The following PIK3C2G variants were observed in gnomAD, a reference collection of about 807,000 sequenced individuals.
The protein encoded by PIK3C2G is phosphatidylinositol-4-phosphate 3-kinase catalytic subunit type 2 gamma.
A neutral mutation model predicts 181.1 loss-of-function variants in PIK3C2G; 168 were observed. That is an observed-to-expected ratio of 0.93 (90% CI 0.82 to 1.05). PIK3C2G has a LOEUF of 1.05. PIK3C2G is among the 50% of genes least tolerant of loss of function. The pLI, the probability that PIK3C2G is intolerant of heterozygous loss-of-function variation, is 0.00. For synonymous variants in PIK3C2G, 573 were observed against 592.2 expected (o/e 0.97, Z 0.47); for missense variants, 1,869 against 1,732.8 (o/e 1.08, Z -1.40).
chr12:18,489,046 T>A (rs1940319761), intron 19 of PIK3C2G, among the ~76,000 whole-genome samples: 1 of 152,066 alleles, frequency 6.6e-6, no homozygotes, highest in Non-Finnish European at 1.5e-5. Context: ...ATGAAATAAA[T>A]CAATGGCCTT....
chr12:18,346,038 C>A (rs559601612), intron 10 of PIK3C2G, among the ~76,000 whole-genome samples: 1 of 152,264 alleles, frequency 6.6e-6, no homozygotes, highest in East Asian at 1.9e-4. Context: ...AACCAGTAGA[C>A]TCCTTTTAAA....
the PIK3C2G span, chr12:18,723,447 GA>G: frequency 6.2e-7 from 1 of 1,612,922 alleles, no homozygotes; most frequent in Non-Finnish European, 8.5e-7. Flanking sequence ...AATATGTGTT[GA>G]AAATCTCAAT....
chr12:18,601,620 T>C (rs1565550957), intron 30 of PIK3C2G, among the ~76,000 whole-genome samples: 3 of 152,172 alleles, frequency 2.0e-5, no homozygotes, highest in Non-Finnish European at 4.4e-5. Context: ...GTAAATTACT[T>C]TGGGCAGTAT....
intron 18 of PIK3C2G, among the ~76,000 whole-genome samples, chr12:18,426,539 T>C (rs778319388): frequency 9.9e-5 from 15 of 152,196 alleles, no homozygotes; most frequent in East Asian, 1.9e-4. Flanking sequence ...TTTAATTTCA[T>C]AGGACAAAGT....
At chr12:18,523,921 G>A (rs936925530) in intron 24 of PIK3C2G, among the ~76,000 whole-genome samples, 3 of 152,214 alleles carry the variant, frequency 2.0e-5, no homozygotes, top group Non-Finnish European at 4.4e-5. Flanking sequence ...GTGTGGGGAA[G>A]CTGTCTAAGG....
intron 18 of PIK3C2G, among the ~76,000 whole-genome samples, chr12:18,480,872 C>T (rs1435855502): frequency 1.3e-5 from 2 of 152,186 alleles, no homozygotes; most frequent in African/African-American, 2.4e-5. Context: ...CTCTACATTG[C>T]TGCTTCAATA....
At chr12:18,588,422 A>T (rs1278678670) in intron 29 of PIK3C2G, among the ~76,000 whole-genome samples, 2 of 152,160 alleles carry the variant, frequency 1.3e-5, no homozygotes, top group African/African-American at 4.8e-5. Flanking sequence ...CCCCATTAAA[A>T]TGTGGACAAA....
chr12:18,391,235 G>A lies in PIK3C2G; in HGVS notation c.2109G>A (p.Gln703=). 1 of 1,591,360 alleles carries A rather than the reference G, an allele frequency of 6.3e-7. No homozygotes were observed. Among genetic ancestry groups the A allele is most frequent in the Non-Finnish European group, 8.6e-7 (1 of 1,169,428 alleles). Residue 703 remains glutamine, a synonymous_variant, in exon 15 of 33, where the codon CAG becomes CAA. Coordinates refer to ENST00000538779, the MANE Select transcript of PIK3C2G (RefSeq NM_001288772.2). The stretch of plus-strand genomic sequence containing the variant: ...TAAAACATATTGCCAGACTTTCACA[G>A]AAACAGACTCCCCTACTGTAAGTGA... ...ECIKHIARLS[Q]KQTPLLLSEE...
At position 18,282,248 on chromosome 12, in the gene PIK3C2G, G is replaced by A; in HGVS notation, c.167G>A (p.Ser56Asn). ...EISGKIPHYE[S>N]EIDENTFFVP... ...AGTGGCAAAATTCCACACTACGAGAGTGAAATTGATGAAAACACCTTTTTT... is the reference window on the plus strand; with the variant it reads ...AGTGGCAAAATTCCACACTACGAGAATGAAATTGATGAAAACACCTTTTTT... Residue 56 changes from serine to asparagine, a missense_variant, in exon 2 of 33, where the codon AGT becomes AAT. Transcript: ENST00000538779. The A allele has an allele frequency of 6.2e-7, 1 of 1,613,712 alleles. No homozygotes were observed. The highest frequency in any genetic ancestry group is 8.5e-7 in the Non-Finnish European group (1 of 1,179,760).
chr12:18,459,499 G>A (rs1947805857), intron 18 of PIK3C2G, among the ~76,000 whole-genome samples: 1 of 152,094 alleles, frequency 6.6e-6, no homozygotes, highest in African/African-American at 2.4e-5. Context: ...TCTTTCTACT[G>A]CTTATACATC....
chr12:18,699,650 A>G, the PIK3C2G span: 1 of 853,342 alleles, frequency 1.2e-6, no homozygotes, highest in Non-Finnish European at 1.9e-6. Flanking sequence ...GACCTGAGGT[A>G]TGTAACCCCA....
At chr12:18,525,478 G>C (rs1218913075) in intron 24 of PIK3C2G, among the ~76,000 whole-genome samples, 1 of 152,130 alleles carries the variant, frequency 6.6e-6, no homozygotes, top group Non-Finnish European at 1.5e-5. Context: ...TTGACTGACA[G>C]ACTGGATCAC....
intron 8 of PIK3C2G, among the ~76,000 whole-genome samples, chr12:18,329,288 A>G (rs1937662625): frequency 6.6e-6 from 1 of 151,940 alleles, no homozygotes; most frequent in Non-Finnish European, 1.5e-5. Context: ...TACATGAAGA[A>G]CACACAATTA....
At chr12:18,381,511 A>ACT (rs1942832025) in intron 13 of PIK3C2G, among the ~76,000 whole-genome samples, 1 of 152,156 alleles carries the variant, frequency 6.6e-6, no homozygotes, top group African/African-American at 2.4e-5. Context: ...ATTAGAAACC[A>ACT]CTGTGGGCAA....
At position 18,602,691 on chromosome 12, in the gene PIK3C2G, T is replaced by C. The variant is rs1338719346; in HGVS notation, c.4088-6844T>C. Among the ~76,000 whole-genome samples the C allele has an allele frequency of 5.3e-5, 8 of 152,104 alleles. No homozygotes were observed. The East Asian group carries it at 1.6e-3, about 30-fold the overall frequency. On this transcript the variant is annotated intron_variant, in intron 30 of 32. Coordinates refer to ENST00000538779, the MANE Select transcript of PIK3C2G (RefSeq NM_001288772.2). ...CTGAGAGACCCACAGACAGTTCACATCACAGGACTCTGTGCAGACAGCCCC... is the reference window on the plus strand; with the variant it reads ...CTGAGAGACCCACAGACAGTTCACACCACAGGACTCTGTGCAGACAGCCCC...
chr12:18,372,418 A>C (rs556705632), intron 13 of PIK3C2G: 10 of 152,352 alleles, frequency 6.6e-5, no homozygotes, highest in African/African-American at 2.2e-4. Context: ...GAGATAAAGA[A>C]TGAAATAGGA....
At position 18,391,109 on chromosome 12, in the gene PIK3C2G, T is replaced by C. The variant is rs1460499679; in HGVS notation, c.1996-13T>C. 1 of 1,590,436 alleles carries C rather than the reference T, an allele frequency of 6.3e-7. No individual in the cohort carries two copies. The highest frequency in any genetic ancestry group is 1.2e-5 in the South Asian group (1 of 86,146). ...CACCTTCAACACATGGCAAATCATT[T>C]TTTTTCTTTCAGATTGATTTTCCAG... On this transcript the variant is annotated splice_polypyrimidine_tract_variant and intron_variant, in intron 14 of 32. Coordinates refer to ENST00000538779, the MANE Select transcript of PIK3C2G (RefSeq NM_001288772.2).
intron 15 of PIK3C2G, among the ~76,000 whole-genome samples, chr12:18,399,002 C>G (rs1342660699): frequency 1.3e-5 from 2 of 151,284 alleles, no homozygotes; most frequent in East Asian, 3.9e-4. Flanking sequence ...GAGACCATCC[C>G]GGCTAAAACG....
At chr12:18,370,291 T>A (rs1314656898) in intron 12 of PIK3C2G, among the ~76,000 whole-genome samples, 1 of 152,164 alleles carries the variant, frequency 6.6e-6, no homozygotes, top group Non-Finnish European at 1.5e-5. Context: ...CTTACATATA[T>A]TGATGATTTC....
Sources: gnomAD v4.1 joint callset for allele counts (sites outside exome capture counted in the v4.1 genomes callset) on GRCh38, gnomAD v4.1.1 for gene constraint, MANE v1.5 for transcripts, NCBI Gene and HGNC (gene_info 2026-07-23, HGNC 2026-07-21) for gene names.